Variants in ETV6 observed in about 807,000 individuals in gnomAD.
ETV6 encodes the protein ETS variant transcription factor 6.
ETV6 carries 16 observed loss-of-function variants against 51.1 expected under a neutral mutation model. That is an observed-to-expected ratio of 0.31 (90% CI 0.21 to 0.48). The LOEUF (loss-of-function observed/expected upper bound fraction) is 0.48. Ranked by LOEUF, ETV6 falls within the 20% of genes least tolerant of loss-of-function variation. ETV6 has a pLI of 0.99. For synonymous variants in ETV6, 240 were observed against 224.1 expected, an observed-to-expected ratio of 1.07 and a Z score of -0.64; for missense variants, 458 against 594.8, an observed-to-expected ratio of 0.77 and a Z score of 2.39.
rs1491290450 is a variant in ETV6 at position 11,893,841 on chromosome 12, T to TATATATATATATAC, written c.*2796_*2797insTATATATATATACA. 2.6e-4 allele frequency: 15 copies of TATATATATATATAC among 57,290 alleles called. No homozygotes were observed. The highest frequency in any genetic ancestry group is 8.3e-4 in the African/African-American group (13 of 15,670). 3.5% of individuals were successfully genotyped at this position (57,290 alleles called of 1,614,324 possible). A position where few individuals can be genotyped will look rare whatever the true frequency, so the allele number is the denominator to read the frequency against. ...ATATATATATATATATATATATATATACACACACACACACATACACAAATA... is the reference window on the plus strand; with the variant it reads ...ATATATATATATATATATATATATATATATATATATATACACACACACACACACATACACAAATA... On this transcript the variant is annotated 3_prime_UTR_variant, in exon 8 of 8. Coordinates refer to ENST00000396373, the MANE Select transcript of ETV6 (RefSeq NM_001987.5).
rs1946306410 is a variant in ETV6, at chr12:11,835,699, G to A, written c.164-3441G>A. On this transcript the variant is annotated intron_variant, in intron 2 of 7. Transcript: ENST00000396373. Reference sequence around the variant, plus strand: ...TATATTTTTAGTCTGTTGATAATTTGAGAAAGTCTCCAAGGATCTAAGTCT... The same window carrying A: ...TATATTTTTAGTCTGTTGATAATTTAAGAAAGTCTCCAAGGATCTAAGTCT... Among the ~76,000 whole-genome samples, 3 of 152,210 alleles carry A rather than the reference G, an allele frequency of 2.0e-5. No individual in the cohort carries two copies. The South Asian group carries it at 6.2e-4, about 32-fold the overall frequency.
chr12:11,894,317 T>TA lies in ETV6; in HGVS notation c.*3271_*3272insA, dbSNP rs1278627947. 31 of 232,940 alleles carry TA rather than the reference T, an allele frequency of 1.3e-4. No homozygotes were observed. Among genetic ancestry groups the TA allele is most frequent in the Admixed American group, 5.6e-5 (1 of 17,774 alleles). 14.4% of individuals were successfully genotyped at this position (232,940 alleles called of 1,614,324 possible). ...TGCATTCTCACTTGGGTCTTGAAGT[T>TA]CTCATTCCTACATCTCAAGCTAGCC... On this transcript the variant is annotated 3_prime_UTR_variant, in exon 8 of 8. Coordinates refer to ENST00000396373, the MANE Select transcript of ETV6 (RefSeq NM_001987.5).
intron 2 of ETV6, among the ~76,000 whole-genome samples, chr12:11,760,585 G>A (rs1394116546): frequency 1.3e-5 from 2 of 152,176 alleles, no homozygotes; most frequent in African/African-American, 4.8e-5. Flanking sequence ...TTAGGGTGTT[G>A]AATAGCACCA....
chr12:11,821,998 C>T (rs530325826), intron 2 of ETV6, among the ~76,000 whole-genome samples: 10 of 152,334 alleles, frequency 6.6e-5, no homozygotes, highest in South Asian at 2.1e-4. Flanking sequence ...GCCTTGCATC[C>T]GCTGTTCCTC....
At chr12:11,774,999 A>G (rs940507512) in intron 2 of ETV6, among the ~76,000 whole-genome samples, 1 of 152,224 alleles carries the variant, frequency 6.6e-6, no homozygotes, top group Non-Finnish European at 1.5e-5. Context: ...CTCTGGGCAT[A>G]AAAACACGAT....
chr12:11,823,901 C>T (rs896447498), intron 2 of ETV6, among the ~76,000 whole-genome samples: 1 of 152,200 alleles, frequency 6.6e-6, no homozygotes, highest in African/African-American at 2.4e-5. Flanking sequence ...CTGTGTATCC[C>T]CTGTGGTTGT....
chr12:11,681,562 TTTATTA>T (rs754940407), intron 1 of ETV6, among the ~76,000 whole-genome samples: 6 of 152,106 alleles, frequency 3.9e-5, no homozygotes, highest in Non-Finnish European at 5.9e-5. Context: ...TCACGTTTTA[TTTATTA>T]TTATTATTAT....
chr12:11,888,067 C>T (rs1195206265), intron 7 of ETV6, among the ~76,000 whole-genome samples: 1 of 152,198 alleles, frequency 6.6e-6, no homozygotes, highest in African/African-American at 2.4e-5. Flanking sequence ...GCTTCCCTGG[C>T]AGTGGAAGCT....
chr12:11,659,856 A>G (rs1864067327), intron 1 of ETV6, among the ~76,000 whole-genome samples: 1 of 152,204 alleles, frequency 6.6e-6, no homozygotes, highest in Non-Finnish European at 1.5e-5. Flanking sequence ...GGGAGGGCCC[A>G]GAGCTGCCCA....
intron 1 of ETV6, among the ~76,000 whole-genome samples, chr12:11,748,007 C>T (rs887518914): frequency 1.3e-5 from 2 of 152,240 alleles, no homozygotes; most frequent in African/African-American, 2.4e-5. Flanking sequence ...TCAGCTTTCT[C>T]AGGCAGCTTT....
chr12:11,672,471 G>GC (rs1035469777), intron 1 of ETV6, among the ~76,000 whole-genome samples: 2 of 152,256 alleles, frequency 1.3e-5, no homozygotes, highest in Admixed American at 1.3e-4. Flanking sequence ...GCTCTTGCCA[G>GC]CCCCCCTCCT....
chr12:11,859,145 T>C (rs1591726057), intron 4 of ETV6, among the ~76,000 whole-genome samples: 1 of 92,082 alleles, frequency 1.1e-5, no homozygotes, highest in African/African-American at 4.5e-5. Context: ...TTTTTTTTTT[T>C]TTTTTTTTTT....
At chr12:11,836,182 T>TC (rs990033985) in intron 2 of ETV6, among the ~76,000 whole-genome samples, 6 of 150,124 alleles carry the variant, frequency 4.0e-5, no homozygotes, top group Non-Finnish European at 8.9e-5. Context: ...AGGGGCTTTT[T>TC]CCCCCCTCAA....
At chr12:11,739,376 G>C (rs926575336) in intron 1 of ETV6, among the ~76,000 whole-genome samples, 3 of 152,196 alleles carry the variant, frequency 2.0e-5, no homozygotes, top group African/African-American at 7.2e-5. Flanking sequence ...TGCTGCCCAG[G>C]TATCCAACCT....
chr12:11,867,642 C>T (rs552362490), intron 4 of ETV6, among the ~76,000 whole-genome samples: 4 of 152,300 alleles, frequency 2.6e-5, no homozygotes, highest in Non-Finnish European at 4.4e-5. Flanking sequence ...CTATGTCTGT[C>T]TCTGTTTACT....
intron 2 of ETV6, among the ~76,000 whole-genome samples, chr12:11,764,143 C>T (rs1036727022): frequency 6.6e-6 from 1 of 152,140 alleles, no homozygotes; most frequent in Non-Finnish European, 1.5e-5. Flanking sequence ...TAATTAATAC[C>T]TCAAGTCCCT....
At chr12:11,677,212 C>T (rs1028375459) in intron 1 of ETV6, among the ~76,000 whole-genome samples, 3 of 152,148 alleles carry the variant, frequency 2.0e-5, no homozygotes, top group East Asian at 3.9e-4. Context: ...TAGTTGCTGC[C>T]TCTGAGAAAG....
chr12:11,747,321 G>T (rs976575264), intron 1 of ETV6, among the ~76,000 whole-genome samples: 1 of 152,182 alleles, frequency 6.6e-6, no homozygotes, highest in African/African-American at 2.4e-5. Flanking sequence ...TTTCAGGGCA[G>T]GGGGGACACT....
chr12:11,684,716 G>A (rs1864594928), intron 1 of ETV6, among the ~76,000 whole-genome samples: 2 of 152,094 alleles, frequency 1.3e-5, no homozygotes, highest in African/African-American at 2.4e-5. Flanking sequence ...CAAGCAAAAT[G>A]TCATTATTAC....
Sources: allele counts gnomAD v4.1 joint callset (sites outside exome capture counted in the v4.1 genomes callset), GRCh38; gene constraint gnomAD v4.1.1; transcripts MANE v1.5; gene names NCBI Gene and HGNC (gene_info 2026-07-23, HGNC 2026-07-21).